PTPRD: variants seen among roughly 807,000 people sequenced by gnomAD.
PTPRD encodes the protein protein tyrosine phosphatase receptor type D, also known as receptor-type tyrosine-protein phosphatase delta.
A neutral mutation model predicts 214.5 loss-of-function variants in PTPRD; 34 were observed. That is an observed-to-expected ratio of 0.16 (90% CI 0.12 to 0.21). The LOEUF (loss-of-function observed/expected upper bound fraction) is 0.21, where lower values mean the gene tolerates loss of function less well. Among genes scored for constraint, PTPRD ranks in the 10% least tolerant of loss-of-function variants. The pLI is 1.00. For synonymous variants in PTPRD, 1,128 were observed against 845.7 expected (o/e 1.33, Z -5.79); for missense variants, 2,545 against 2,398.7 (o/e 1.06, Z -1.27).
chr9:8,913,610 A>T (rs1365404206), intron 11 of PTPRD, among the ~76,000 whole-genome samples: 2 of 152,118 alleles, frequency 1.3e-5, no homozygotes, highest in East Asian at 1.9e-4. Flanking sequence ...TGGTATTCTG[A>T]CCTAAATTTA....
At chr9:10,452,942 G>A (rs926270814) in intron 2 of PTPRD, among the ~76,000 whole-genome samples, 1 of 150,978 alleles carries the variant, frequency 6.6e-6, no homozygotes, top group Non-Finnish European at 1.5e-5. Context: ...TATTTTGGGA[G>A]TTTTATGGTT....
At chr9:10,416,215 A>T (rs10809090) in intron 2 of PTPRD, among the ~76,000 whole-genome samples, 14 of 151,282 alleles carry the variant, frequency 9.3e-5, no homozygotes, top group Non-Finnish European at 1.5e-4. Context: ...AAAATTAGCC[A>T]GGCATGGTGG....
chr9:8,689,930 A>C (rs2097768651), intron 12 of PTPRD, among the ~76,000 whole-genome samples: 1 of 152,034 alleles, frequency 6.6e-6, no homozygotes, highest in Admixed American at 6.5e-5. Flanking sequence ...CAACATGATG[A>C]AACTCCCATC....
At chr9:10,101,739 T>C in intron 3 of PTPRD, among the ~76,000 whole-genome samples, 1 of 151,686 alleles carries the variant, frequency 6.6e-6, no homozygotes, top group East Asian at 1.9e-4. Context: ...TATTGTGCAA[T>C]GGAAAGGTGA....
chr9:10,280,385 C>T (rs1296351316), intron 3 of PTPRD, among the ~76,000 whole-genome samples: 1 of 149,408 alleles, frequency 6.7e-6, no homozygotes, highest in East Asian at 1.9e-4. Context: ...CACACACACA[C>T]ACACATGTGA....
intron 9 of PTPRD, among the ~76,000 whole-genome samples, chr9:9,254,070 C>G (rs1174204880): frequency 1.3e-5 from 2 of 152,104 alleles, no homozygotes; most frequent in Non-Finnish European, 2.9e-5. Context: ...TAGGCCCCAC[C>G]TGGAAAATCC....
chr9:8,695,233 T>C (rs16928280), intron 12 of PTPRD, among the ~76,000 whole-genome samples: 5,948 of 152,216 alleles, frequency 0.039, 202 homozygotes, highest in East Asian at 0.1. Context: ...TGTGAGTAAA[T>C]AAACCCTTCT....
intron 5 of PTPRD, among the ~76,000 whole-genome samples, chr9:9,856,188 G>A (rs1001086812): frequency 6.6e-6 from 1 of 152,090 alleles, no homozygotes. Flanking sequence ...CTGAAGTCAA[G>A]CCGCTTCTGA....
chr9:9,766,189 C>A (rs1028376628), intron 6 of PTPRD, among the ~76,000 whole-genome samples: 2 of 152,102 alleles, frequency 1.3e-5, no homozygotes, highest in Non-Finnish European at 2.9e-5. Flanking sequence ...TTTTATAACT[C>A]AGTTATAGCT....
intron 3 of PTPRD, among the ~76,000 whole-genome samples, chr9:10,134,415 G>A (rs2098926923): frequency 6.6e-6 from 1 of 152,282 alleles, no homozygotes; most frequent in Middle Eastern, 3.4e-3. Flanking sequence ...ACTTCCCAAT[G>A]ACTGAACACT....
In PTPRD at chr9:10,582,718, T is replaced by C. The variant is rs2072376830; in HGVS notation, c.-600+29680A>G. On this transcript the variant is annotated intron_variant, in intron 2 of 45. Transcript: ENST00000381196. The stretch of plus-strand genomic sequence containing the variant: ...TGTAAAAAGATAAATGCAGACCTAC[T>C]GACAAAAAAACTTATATTGTTACAG... 2.6e-5 allele frequency among the ~76,000 whole-genome samples: 4 copies of C among 152,148 alleles called. No individual in the cohort carries two copies. The South Asian group carries it at 6.2e-4, about 24-fold the overall frequency.
intron 11 of PTPRD, among the ~76,000 whole-genome samples, chr9:9,012,677 A>AT (rs1369874263): frequency 2.0e-5 from 3 of 152,142 alleles, no homozygotes; most frequent in African/African-American, 7.2e-5. Context: ...TAGTATTGAA[A>AT]TTTTTTTATC....
chr9:10,264,443 G>A (rs1595685327), intron 3 of PTPRD, among the ~76,000 whole-genome samples: 1 of 152,186 alleles, frequency 6.6e-6, no homozygotes, highest in Non-Finnish European at 1.5e-5. Context: ...TGTGAGACAT[G>A]GAGTCAAAGG....
intron 3 of PTPRD, among the ~76,000 whole-genome samples, chr9:10,052,942 T>C (rs1175714017): frequency 6.6e-6 from 1 of 152,164 alleles, no homozygotes; most frequent in Non-Finnish European, 1.5e-5. Flanking sequence ...ATATTTTTTA[T>C]ATTATATTTC....
At chr9:10,435,141 A>C (rs779348602) in intron 2 of PTPRD, among the ~76,000 whole-genome samples, 2 of 151,900 alleles carry the variant, frequency 1.3e-5, no homozygotes, top group African/African-American at 4.8e-5. Flanking sequence ...GAGGAAGCCA[A>C]TGCAAGTTGG....
chr9:8,743,124 G>GA (rs1447881630), intron 11 of PTPRD, among the ~76,000 whole-genome samples: 2 of 143,758 alleles, frequency 1.4e-5, no homozygotes, highest in Non-Finnish European at 1.5e-5. Flanking sequence ...AGGGGGGGGG[G>GA]ACTTTTAAGA....
chr9:10,236,106 G>T (rs2154359548), intron 3 of PTPRD, among the ~76,000 whole-genome samples: 1 of 151,930 alleles, frequency 6.6e-6, no homozygotes, highest in East Asian at 2.0e-4. Context: ...AAACTCTAGG[G>T]TTTTTTACTA....
intron 8 of PTPRD, among the ~76,000 whole-genome samples, chr9:9,485,033 C>T (rs2095570113): frequency 6.6e-6 from 1 of 152,148 alleles, no homozygotes; most frequent in South Asian, 2.1e-4. Context: ...GTAAATGTCA[C>T]ATTGTTCCCC....
intron 30 of PTPRD, among the ~76,000 whole-genome samples, chr9:8,473,848 GCAGT>G (rs1351508170): frequency 6.6e-6 from 1 of 152,142 alleles, no homozygotes. Context: ...TTCATCTAGG[GCAGT>G]CAAAGTGAAG....
Sources: gnomAD v4.1 joint callset for allele counts (sites outside exome capture counted in the v4.1 genomes callset) on GRCh38, gnomAD v4.1.1 for gene constraint, MANE v1.5 for transcripts, NCBI Gene and HGNC (gene_info 2026-07-23, HGNC 2026-07-21) for gene names.